Variants in LRBA observed in about 807,000 individuals in gnomAD.
The protein encoded by LRBA is LPS responsive beige-like anchor protein, also known as lipopolysaccharide-responsive and beige-like anchor protein.
Under a neutral mutation model 330.0 loss-of-function variants are expected in LRBA, and 176 were observed. The observed-to-expected ratio is 0.53, with a 90% CI of 0.47 to 0.60. The LOEUF (loss-of-function observed/expected upper bound fraction) is 0.60, where lower values mean the gene tolerates loss of function less well. Among genes scored for constraint, LRBA ranks in the 20% least tolerant of loss-of-function variants. LRBA has a pLI of 0.00. For missense variants in LRBA, 3,259 were observed against 3,444.8 expected, an observed-to-expected ratio of 0.95 and a Z score of 1.35; for synonymous variants, 1,230 against 1,193.0, an observed-to-expected ratio of 1.03 and a Z score of -0.64.
chr4:150,753,064 T>C (rs1268562429), intron 35 of LRBA, among the ~76,000 whole-genome samples: 1 of 152,216 alleles, frequency 6.6e-6, no homozygotes, highest in Non-Finnish European at 1.5e-5. Context: ...TGTCTCTTCA[T>C]TGTCAGTGAC....
intron 22 of LRBA, among the ~76,000 whole-genome samples, chr4:150,863,653 C>A (rs1007184803): frequency 2.0e-5 from 3 of 152,130 alleles, no homozygotes; most frequent in Admixed American, 6.5e-5. Flanking sequence ...CAGGGAGACT[C>A]TTTTTCCTGA....
At chr4:150,445,377 C>CTCTCTCTATA (rs1454079183) in intron 44 of LRBA, among the ~76,000 whole-genome samples, 3 of 78,628 alleles carry the variant, frequency 3.8e-5, no homozygotes, top group Non-Finnish European at 5.0e-5. Context: ...CTCTCTCTCT[C>CTCTCTCTATA]TATATATATA....
intron 22 of LRBA, among the ~76,000 whole-genome samples, chr4:150,861,206 G>T (rs1751880064): frequency 6.6e-6 from 1 of 151,912 alleles, no homozygotes; most frequent in African/African-American, 2.4e-5. Flanking sequence ...GGGCTCAAGT[G>T]ATCCTCCCAC....
chr4:150,602,838 C>T (rs770132077), intron 37 of LRBA, among the ~76,000 whole-genome samples: 4 of 152,114 alleles, frequency 2.6e-5, no homozygotes, highest in East Asian at 1.9e-4. Context: ...CACCATGGTA[C>T]GATCAGCAAA....
intron 40 of LRBA, among the ~76,000 whole-genome samples, chr4:150,515,713 C>T (rs1415867584): frequency 3.3e-5 from 5 of 151,882 alleles, no homozygotes; most frequent in Non-Finnish European, 5.9e-5. Context: ...AAATGATTAA[C>T]GGAAATATAT....
intron 34 of LRBA, among the ~76,000 whole-genome samples, chr4:150,772,165 C>T (rs1407016735): frequency 6.6e-6 from 1 of 152,168 alleles, no homozygotes; most frequent in Non-Finnish European, 1.5e-5. Flanking sequence ...AAGTTCTGTC[C>T]ACTGAGAAGA....
At chr4:150,691,192 A>C (rs957652131) in intron 36 of LRBA, among the ~76,000 whole-genome samples, 3 of 152,064 alleles carry the variant, frequency 2.0e-5, no homozygotes, top group Non-Finnish European at 4.4e-5. Flanking sequence ...GGCCTCCCAA[A>C]GTGCTGGGAT....
intron 47 of LRBA, among the ~76,000 whole-genome samples, chr4:150,359,480 G>A (rs1409932336): frequency 6.6e-6 from 1 of 152,188 alleles, no homozygotes; most frequent in South Asian, 2.1e-4. Context: ...CTGATTACCA[G>A]TGTGAGGGGT....
At chr4:150,848,755 T>G in intron 26 of LRBA, 63 bp downstream of exon 26, 1 of 1,230,420 alleles carries the variant, frequency 8.1e-7, no homozygotes, top group Non-Finnish European at 1.1e-6. Flanking sequence ...TAATTTTCAA[T>G]GTCATCTCTG....
intron 46 of LRBA, among the ~76,000 whole-genome samples, chr4:150,416,986 C>T (rs58573951): frequency 0.38 from 57,117 of 151,638 alleles, 11,584 homozygotes; most frequent in Non-Finnish European, 0.47. Context: ...ACCAGTTGGA[C>T]AAAATATGGA....
At chr4:150,307,127 A>G (rs998755953) in intron 52 of LRBA, among the ~76,000 whole-genome samples, 2 of 152,162 alleles carry the variant, frequency 1.3e-5, no homozygotes, top group Non-Finnish European at 1.5e-5. Flanking sequence ...TTAAAAAACA[A>G]TAATATAGAA....
At chr4:150,773,825 T>G (rs1052787579) in intron 34 of LRBA, among the ~76,000 whole-genome samples, 1 of 152,222 alleles carries the variant, frequency 6.6e-6, no homozygotes, top group Non-Finnish European at 1.5e-5. Context: ...CTAGGCCTAT[T>G]GTGAGAGAGT....
At chr4:150,721,433 C>A in intron 36 of LRBA, 1 of 297,658 alleles carries the variant, frequency 3.4e-6, no homozygotes, top group South Asian at 4.0e-5. Context: ...CAATGCAGGT[C>A]TATAATAAAG....
At chr4:150,456,666 C>G (rs182451561) in intron 44 of LRBA, among the ~76,000 whole-genome samples, 10 of 152,168 alleles carry the variant, frequency 6.6e-5, no homozygotes, top group East Asian at 1.9e-4. Context: ...TGCGCAGAAG[C>G]CTTTTTAACT....
chr4:150,867,376 C>T (rs1752856062), intron 22 of LRBA, among the ~76,000 whole-genome samples: 1 of 152,066 alleles, frequency 6.6e-6, no homozygotes, highest in Admixed American at 6.5e-5. Context: ...GCAGTTTTTG[C>T]CGCAACTACT....
chr4:150,981,776 C>A (rs144908004), intron 2 of LRBA, among the ~76,000 whole-genome samples: 2,656 of 151,946 alleles, frequency 0.017, 60 homozygotes, highest in African/African-American at 0.06. Context: ...CTGGCTAACA[C>A]GGCGAAACCC....
chr4:150,814,373 G>A (rs1560856624), intron 31 of LRBA, among the ~76,000 whole-genome samples: 1 of 151,978 alleles, frequency 6.6e-6, no homozygotes, highest in Non-Finnish European at 1.5e-5. Flanking sequence ...GTAAAGTGGG[G>A]CGGCAGAAGA....
At chr4:150,529,221 A>C (rs1045148338) in intron 40 of LRBA, among the ~76,000 whole-genome samples, 1 of 152,188 alleles carries the variant, frequency 6.6e-6, no homozygotes, top group Non-Finnish European at 1.5e-5. Flanking sequence ...TGTCTATCAA[A>C]ACAGGTTATA....
intron 44 of LRBA, among the ~76,000 whole-genome samples, chr4:150,451,204 A>G (rs1182589286): frequency 6.6e-6 from 1 of 152,204 alleles, no homozygotes; most frequent in Non-Finnish European, 1.5e-5. Flanking sequence ...ATCTTCAACC[A>G]ATTTTACTTA....
Sources: gnomAD v4.1 joint callset for allele counts (sites outside exome capture counted in the v4.1 genomes callset) on GRCh38, gnomAD v4.1.1 for gene constraint, MANE v1.5 for transcripts, NCBI Gene and HGNC (gene_info 2026-07-23, HGNC 2026-07-21) for gene names.